AGT: variants seen among roughly 807,000 people sequenced by gnomAD.
AGT encodes the protein alpha-1 antiproteinase, antitrypsin.
Under a neutral mutation model 28.1 loss-of-function variants are expected in AGT, and 26 were observed. The observed-to-expected ratio is 0.92, with a 90% CI of 0.68 to 1.28. The LOEUF is 1.28. Among genes scored for constraint, AGT ranks in the 50% most tolerant of loss-of-function variants. The pLI is 0.00. For synonymous variants in AGT, 259 were observed against 259.6 expected, an observed-to-expected ratio of 1.00 and a Z score of 0.02; for missense variants, 596 against 592.3, an observed-to-expected ratio of 1.01 and a Z score of -0.06.
intron 3 of AGT, 137 bp from the exon 4 acceptor site, chr1:230,704,474 T>TC: frequency 8.4e-7 from 1 of 1,196,218 alleles, no homozygotes. Context: ...AACTAAGTCA[T>TC]CCTCCCCCTT....
Position 230,710,674 on chromosome 1 carries a change from G to A in AGT, c.150C>T (p.Ala50=), listed in dbSNP as rs761181940. 27 of 1,614,090 alleles carry A rather than the reference G, an allele frequency of 1.7e-5. No homozygotes were observed. The highest frequency in any genetic ancestry group is 6.7e-5 in the African/African-American group (5 of 74,940). ...TGAAGGTGGGGTCTTTGGGCTTCCC[G>A]GCATTGGCCTTTGCCAGCTGCTCAC... ...STCEQLAKAN[A]GKPKDPTFIP... Residue 50 remains alanine, a synonymous_variant, in exon 2 of 5, where the codon GCC becomes GCT. Transcript: ENST00000366667.
intron 2 of AGT, among the ~76,000 whole-genome samples, chr1:230,708,538 G>A (rs1002155376): frequency 6.6e-6 from 1 of 152,086 alleles, no homozygotes; most frequent in Non-Finnish European, 1.5e-5. Context: ...CCCTGAACCC[G>A]AAGGGAAAGA....
At chr1:230,732,629 C>G (rs1664087974) in intron 1 of AGT, among the ~76,000 whole-genome samples, 1 of 152,092 alleles carries the variant, frequency 6.6e-6, no homozygotes, top group African/African-American at 2.4e-5. Flanking sequence ...GTATTAAATA[C>G]TGTGTATATT....
intron 1 of AGT, among the ~76,000 whole-genome samples, chr1:230,744,060 A>C (rs1401752052): frequency 1.3e-5 from 2 of 152,230 alleles, no homozygotes; most frequent in Non-Finnish European, 2.9e-5. Flanking sequence ...AGCTGATTGC[A>C]TCTCTAGGCT....
At chr1:230,739,636 A>G (rs1228463682) in intron 1 of AGT, among the ~76,000 whole-genome samples, 2 of 152,152 alleles carry the variant, frequency 1.3e-5, no homozygotes, top group African/African-American at 2.4e-5. Context: ...GGAAAATGAA[A>G]CACAAGTTAT....
rs576753910 is a variant in AGT at position 230,739,782 on chromosome 1, A to G, written c.-31+5733T>C. Among the ~76,000 whole-genome samples the G allele has an allele frequency of 2.0e-5, 3 of 152,240 alleles. No homozygotes were observed. In the East Asian group the frequency reaches 5.8e-4, roughly 29 times the overall value. The stretch of plus-strand genomic sequence containing the variant: ...TTTGGTAAGATTCACCCTGACCTAG[A>G]TGCCACTATCAGAAGGAGGAAGGAG... On this transcript the variant is annotated intron_variant, in intron 1 of 4. Transcript: ENST00000681269.
upstream of AGT, among the ~76,000 whole-genome samples, chr1:230,716,385 G>C (rs1401811451): frequency 6.6e-6 from 1 of 152,200 alleles, no homozygotes; most frequent in South Asian, 2.1e-4. Flanking sequence ...GTTAGGGACA[G>C]AGCTTATCTG....
At chr1:230,719,122 C>T (rs1358765039), upstream of AGT, among the ~76,000 whole-genome samples, 3 of 152,122 alleles carry the variant, frequency 2.0e-5, no homozygotes, top group African/African-American at 7.2e-5. Context: ...GAAGTCGTTT[C>T]CATATCCTGG....
intron 1 of AGT, among the ~76,000 whole-genome samples, chr1:230,733,448 C>G (rs1482402144): frequency 6.6e-6 from 1 of 152,104 alleles, no homozygotes; most frequent in East Asian, 1.9e-4. Context: ...AGCAAGTGCC[C>G]ATGAGAAATG....
Position 230,710,031 on chromosome 1 carries a change from T to C in AGT, c.793A>G (p.Ser265Gly). 1 of 1,614,076 alleles carries C rather than the reference T, an allele frequency of 6.2e-7. No individual in the cohort carries two copies. The highest frequency in any genetic ancestry group is 8.5e-7 in the Non-Finnish European group (1 of 1,179,984). The change falls in exon 2 of 5, where the codon AGC (serine) becomes GGC (glycine). Residue 265 changes from serine to glycine, a missense_variant. Coordinates refer to ENST00000366667, the MANE Select transcript of AGT (RefSeq NM_001384479.1). Reference protein sequence around the residue: ...GCSLMGASVDSTLAFNTYVHF... With the variant: ...GCSLMGASVDGTLAFNTYVHF... ...ACGTAGGTGTTGAAAGCCAGGGTGC[T>C]GTCCACACTGGCTCCCATCAGGGAG...
intron 1 of AGT, among the ~76,000 whole-genome samples, chr1:230,732,602 A>G (rs1664087597): frequency 6.6e-6 from 1 of 152,224 alleles, no homozygotes; most frequent in Non-Finnish European, 1.5e-5. Flanking sequence ...TGATTAACAC[A>G]TATTTTTATG....
At position 230,710,824 on chromosome 1, in the gene AGT, C is replaced by G. The variant is rs780694785; in HGVS notation, c.-1G>C. The G allele has an allele frequency of 6.2e-7, 1 of 1,613,794 alleles. No homozygotes were observed. Among genetic ancestry groups the G allele is most frequent in the African/African-American group, 1.3e-5 (1 of 74,948 alleles). Reference sequence around the variant, plus strand: ...TCAGGCTCACACCGGCAGGAGCCATCTCAGACTGGGGTGCTCGCTTCCGCA... The same window carrying G: ...TCAGGCTCACACCGGCAGGAGCCATGTCAGACTGGGGTGCTCGCTTCCGCA... On this transcript the variant is annotated 5_prime_UTR_variant, in exon 2 of 5. Coordinates refer to ENST00000366667, the MANE Select transcript of AGT (RefSeq NM_001384479.1).
chr1:230,716,686 G>A (rs1663744438), upstream of AGT, among the ~76,000 whole-genome samples: 1 of 152,160 alleles, frequency 6.6e-6, no homozygotes, highest in African/African-American at 2.4e-5. Flanking sequence ...ATGTGCTTTT[G>A]CTCCTCCTTC....
chr1:230,740,773 AC>A (rs1384539605), intron 1 of AGT, among the ~76,000 whole-genome samples: 4 of 152,068 alleles, frequency 2.6e-5, no homozygotes, highest in Non-Finnish European at 4.4e-5. Flanking sequence ...ACATGGTGAA[AC>A]CCCATCTCTA....
chr1:230,738,079 C>T (rs573320798), intron 1 of AGT, among the ~76,000 whole-genome samples: 1 of 152,250 alleles, frequency 6.6e-6, no homozygotes, highest in Non-Finnish European at 1.5e-5. Context: ...ATATACCACA[C>T]ATTATTTATC....
chr1:230,718,721 G>GTTT (rs1571981600), upstream of AGT, among the ~76,000 whole-genome samples: 1 of 120,940 alleles, frequency 8.3e-6, no homozygotes, highest in Admixed American at 8.8e-5. Flanking sequence ...GTTCCACACC[G>GTTT]CTTTTTTTTT....
chr1:230,711,189 G>A (rs1663579983), intron 1 of AGT, among the ~76,000 whole-genome samples: 1 of 152,168 alleles, frequency 6.6e-6, no homozygotes, highest in African/African-American at 2.4e-5. Flanking sequence ...ATGAGGCCAT[G>A]AGGGTGAGCC....
chr1:230,723,952 G>A (rs544829605), intron 1 of AGT, among the ~76,000 whole-genome samples: 1 of 152,150 alleles, frequency 6.6e-6, no homozygotes, highest in Non-Finnish European at 1.5e-5. Flanking sequence ...CTCTATTTAT[G>A]GTAGTTCATG....
upstream of AGT, among the ~76,000 whole-genome samples, chr1:230,717,225 A>G (rs1411842704): frequency 6.6e-6 from 1 of 151,822 alleles, no homozygotes; most frequent in Non-Finnish European, 1.5e-5. Flanking sequence ...CCCTTTCTAT[A>G]TAGACACAGT....
Sources: gnomAD v4.1 joint callset for allele counts (sites outside exome capture counted in the v4.1 genomes callset) on GRCh38, gnomAD v4.1.1 for gene constraint, MANE v1.5 for transcripts, NCBI Gene and HGNC (gene_info 2026-07-23, HGNC 2026-07-21) for gene names.